CCDC102B: variants seen among roughly 807,000 people sequenced by gnomAD.
CCDC102B encodes coiled-coil domain containing 102B.
A neutral mutation model predicts 57.4 loss-of-function variants in CCDC102B; 75 were observed. That is an observed-to-expected ratio of 1.31 (90% CI 1.08 to 1.58). CCDC102B has a LOEUF of 1.58. Among genes scored for constraint, CCDC102B ranks in the 40% most tolerant of loss-of-function variants. The probability of loss-of-function intolerance (pLI) is 0.00; values close to 1 mark genes in which losing one functional copy is unlikely to be tolerated. For synonymous variants in CCDC102B, 206 were observed against 201.9 expected (o/e 1.02, Z -0.17); for missense variants, 636 against 582.6 (o/e 1.09, Z -0.94).
chr18:68,874,538 C>T, intron 4 of CCDC102B, 131 bp from the exon 5 acceptor site: 1 of 575,702 alleles, frequency 1.7e-6, no homozygotes, highest in Admixed American at 2.6e-5. Context: ...ACATCATCAG[C>T]AACAAGCCTG....
intron 7 of CCDC102B, among the ~76,000 whole-genome samples, chr18:69,043,372 A>T (rs2052479888): frequency 6.6e-6 from 1 of 152,032 alleles, no homozygotes; most frequent in Non-Finnish European, 1.5e-5. Context: ...CCTTCCTCTT[A>T]TACTAATCCT....
intron 2 of CCDC102B, among the ~76,000 whole-genome samples, chr18:68,729,597 C>G (rs2032766088): frequency 6.6e-6 from 1 of 152,070 alleles, no homozygotes; most frequent in South Asian, 2.1e-4. Context: ...AATTTTAATC[C>G]CCATAAAGAC....
At chr18:68,906,984 A>G (rs1256622463) in intron 6 of CCDC102B, among the ~76,000 whole-genome samples, 1 of 151,808 alleles carries the variant, frequency 6.6e-6, no homozygotes, top group African/African-American at 2.4e-5. Flanking sequence ...TAATTTTTGT[A>G]TATGTAAGAA....
intron 1 of CCDC102B, among the ~76,000 whole-genome samples, chr18:68,805,385 T>A (rs2100912): frequency 0.13 from 20,225 of 152,140 alleles, 1,549 homozygotes; most frequent in East Asian, 0.3. Context: ...GGGTGTGTTT[T>A]CTCAAAGCCT....
chr18:68,910,643 T>G (rs2040806401), intron 6 of CCDC102B, among the ~76,000 whole-genome samples: 1 of 152,186 alleles, frequency 6.6e-6, no homozygotes, highest in African/African-American at 2.4e-5. Context: ...CTTTTACCTC[T>G]AAGGAAAACA....
In CCDC102B at chr18:68,846,379, G is replaced by T. The variant is rs376410494; in HGVS notation, c.894G>T (p.Lys298Asn). 1.6e-5 allele frequency: 25 copies of T among 1,590,732 alleles called. No individual in the cohort carries two copies. In the African/African-American group the frequency reaches 2.0e-4, roughly 13 times the overall value. Reference protein sequence around the residue: ...LESALSLWKWKYEELKESKPK... With the variant: ...LESALSLWKWNYEELKESKPK... ...CGGCTTTGTCTCTGTGGAAGTGGAA[G>T]TATGAAGAACTGAAAGAATCAAAGC... Residue 298 changes from lysine (K) to asparagine (N), a missense_variant, in exon 4 of 8, where the codon AAG (lysine) becomes AAT (asparagine). Lys to Asn is a moderately conservative substitution (Grantham distance 94). Transcript: ENST00000360242.
intron 6 of CCDC102B, among the ~76,000 whole-genome samples, chr18:68,977,594 G>A (rs575166231): frequency 1.3e-5 from 2 of 151,104 alleles, no homozygotes; most frequent in Non-Finnish European, 3.0e-5. Context: ...AGCACCTTAG[G>A]CTCTTTTTCT....
intron 7 of CCDC102B, among the ~76,000 whole-genome samples, chr18:69,036,828 A>G (rs958941775): frequency 2.0e-5 from 3 of 152,116 alleles, no homozygotes; most frequent in African/African-American, 7.2e-5. Context: ...CTTTGACTAA[A>G]TGCATGAAAG....
chr18:68,748,569 A>G (rs1165086653), intron 2 of CCDC102B, among the ~76,000 whole-genome samples: 3 of 152,138 alleles, frequency 2.0e-5, no homozygotes, highest in Admixed American at 1.3e-4. Flanking sequence ...CTCTATCAGC[A>G]ACTTCTGGCA....
At chr18:68,907,549 G>T (rs1352175894) in intron 6 of CCDC102B, among the ~76,000 whole-genome samples, 1 of 152,068 alleles carries the variant, frequency 6.6e-6, no homozygotes, top group Non-Finnish European at 1.5e-5. Flanking sequence ...GTTCTTTCAG[G>T]TGTACTTAAA....
chr18:68,956,144 A>G (rs1227320261), intron 6 of CCDC102B, among the ~76,000 whole-genome samples: 1 of 151,106 alleles, frequency 6.6e-6, no homozygotes, highest in Non-Finnish European at 1.5e-5. Context: ...ATGAAGGGAT[A>G]TCATCCTTCA....
chr18:68,854,111 T>C (rs1270797118), intron 4 of CCDC102B, among the ~76,000 whole-genome samples: 16 of 152,002 alleles, frequency 1.1e-4, no homozygotes, highest in Admixed American at 1.0e-3. Flanking sequence ...TTTTTCTTTT[T>C]ATTTTTGAGA....
At chr18:68,850,312 A>G (rs1045045986) in intron 4 of CCDC102B, among the ~76,000 whole-genome samples, 2 of 152,090 alleles carry the variant, frequency 1.3e-5, no homozygotes, top group Non-Finnish European at 2.9e-5. Flanking sequence ...TTCTAATCCA[A>G]ATCTCTCATA....
intron 6 of CCDC102B, chr18:68,897,800 T>C (rs1295234013): frequency 5.1e-6 from 2 of 392,648 alleles, no homozygotes; most frequent in East Asian, 1.5e-4. Flanking sequence ...GACTATACAA[T>C]AAGCATTTGC....
chr18:68,749,207 T>C (rs1402751181), intron 2 of CCDC102B, among the ~76,000 whole-genome samples: 15 of 152,084 alleles, frequency 9.9e-5, no homozygotes, highest in Non-Finnish European at 2.1e-4. Flanking sequence ...AGTCAGGTAG[T>C]GTGATGCCTC....
At chr18:68,830,142 G>T (rs996612837) in intron 1 of CCDC102B, among the ~76,000 whole-genome samples, 5 of 151,778 alleles carry the variant, frequency 3.3e-5, no homozygotes, top group African/African-American at 1.2e-4. Flanking sequence ...CAGTTACATT[G>T]TCATCTTTGT....
chr18:68,767,321 C>G (rs929380643), intron 2 of CCDC102B, among the ~76,000 whole-genome samples: 1 of 152,138 alleles, frequency 6.6e-6, no homozygotes, highest in African/African-American at 2.4e-5. Context: ...GCTCCTATAA[C>G]GAGGTTAGTG....
intron 2 of CCDC102B, among the ~76,000 whole-genome samples, chr18:68,837,928 A>G (rs949357622): frequency 3.9e-5 from 6 of 152,242 alleles, no homozygotes; most frequent in Admixed American, 3.9e-4. Context: ...GAGAGAATTA[A>G]GGAATGAATC....
intron 6 of CCDC102B, among the ~76,000 whole-genome samples, chr18:68,945,971 T>C (rs1415048754): frequency 1.3e-5 from 2 of 152,086 alleles, no homozygotes; most frequent in African/African-American, 4.8e-5. Context: ...TATTTTCTTA[T>C]TTTTGTTCTT....
Sources: gnomAD v4.1 joint callset for allele counts (sites outside exome capture counted in the v4.1 genomes callset) on GRCh38, gnomAD v4.1.1 for gene constraint, MANE v1.5 for transcripts, NCBI Gene and HGNC (gene_info 2026-07-23, HGNC 2026-07-21) for gene names.